Variants in PARN observed in about 807,000 individuals in gnomAD.
PARN encodes poly(A)-specific ribonuclease, also known as poly(A)-specific ribonuclease PARN.
A neutral mutation model predicts 102.8 loss-of-function variants in PARN; 71 were observed. The ratio of observed to expected loss-of-function variants is 0.69; its 90% CI spans 0.57 to 0.84. The LOEUF is 0.84. PARN is among the 40% of genes least tolerant of loss of function. The pLI is 0.00. For missense variants in PARN, 782 were observed against 760.9 expected (o/e 1.03, Z -0.33); for synonymous variants, 261 against 252.9 (o/e 1.03, Z -0.30).
At chr16:14,441,660 C>T (rs1960947615) in intron 23 of PARN, among the ~76,000 whole-genome samples, 1 of 152,254 alleles carries the variant, frequency 6.6e-6, no homozygotes, top group Admixed American at 6.5e-5. Context: ...CACAAATGCG[C>T]ACTGAGTGCC....
At chr16:14,608,358 T>G in intron 8 of PARN, 39 bp from the exon 9 acceptor site, 3 of 1,331,524 alleles carry the variant, frequency 2.3e-6, no homozygotes, top group Non-Finnish European at 3.1e-6. Flanking sequence ...TTTGGCTCAT[T>G]AGAAGTAAAT....
intron 21 of PARN, among the ~76,000 whole-genome samples, chr16:14,513,451 A>G (rs1965304902): frequency 6.6e-6 from 1 of 152,190 alleles, no homozygotes; most frequent in Non-Finnish European, 1.5e-5. Flanking sequence ...TCCTGTCTTC[A>G]TTACACATAA....
At position 14,580,403 on chromosome 16, in the gene PARN, A is replaced by G. The variant is rs1244668991; in HGVS notation, c.1262+471T>C. Among the ~76,000 whole-genome samples the G allele has an allele frequency of 2.0e-5, 3 of 151,522 alleles. No homozygotes were observed. In the South Asian group the frequency reaches 6.2e-4, roughly 31 times the overall value. ...CCTGGGTTGAAGCAATTCTCCCACT[A>G]CAGCCTCCCGAGTAGCTGGGATTAC... On this transcript the variant is annotated intron_variant, in intron 18 of 23. Coordinates refer to ENST00000437198, the MANE Select transcript of PARN (RefSeq NM_002582.4).
intron 18 of PARN, among the ~76,000 whole-genome samples, chr16:14,556,429 C>T (rs994760042): frequency 6.6e-6 from 1 of 151,700 alleles, no homozygotes; most frequent in African/African-American, 2.4e-5. Flanking sequence ...CAAAGTGTTG[C>T]AATTACAGGC....
chr16:14,604,629 T>C (rs34186989), intron 10 of PARN, among the ~76,000 whole-genome samples: 48,035 of 151,968 alleles, frequency 0.32, 8,660 homozygotes, highest in South Asian at 0.43. Flanking sequence ...ATTAGAATTT[T>C]TTTTTTGAGA....
chr16:14,561,786 C>T (rs1056085019), intron 18 of PARN, among the ~76,000 whole-genome samples: 1 of 152,122 alleles, frequency 6.6e-6, no homozygotes, highest in Non-Finnish European at 1.5e-5. Context: ...CCAGTCTGGG[C>T]AACAGAGAAA....
intron 21 of PARN, among the ~76,000 whole-genome samples, chr16:14,539,739 T>G (rs1299593042): frequency 6.6e-6 from 1 of 152,246 alleles, no homozygotes; most frequent in Non-Finnish European, 1.5e-5. Flanking sequence ...TGAGGTATTT[T>G]ATAAGCCACT....
chr16:14,575,013 T>C (rs1478491317), intron 18 of PARN, among the ~76,000 whole-genome samples: 2 of 152,180 alleles, frequency 1.3e-5, no homozygotes, highest in African/African-American at 2.4e-5. Context: ...CCATGCAGCA[T>C]TGAGCCTGTG....
intron 18 of PARN, among the ~76,000 whole-genome samples, chr16:14,580,069 A>G (rs1465631471): frequency 6.6e-6 from 1 of 152,002 alleles, no homozygotes; most frequent in Non-Finnish European, 1.5e-5. Flanking sequence ...AAAGACAAAC[A>G]CTGCCCCAAA....
At chr16:14,575,787 T>C (rs1239412703) in intron 18 of PARN, among the ~76,000 whole-genome samples, 1 of 152,234 alleles carries the variant, frequency 6.6e-6, no homozygotes, top group Non-Finnish European at 1.5e-5. Context: ...GGTGGAATTA[T>C]ATGGTTTGGC....
chr16:14,554,183 G>A (rs1197110365), intron 19 of PARN, 32 bp from the exon 20 acceptor site: 6 of 1,432,544 alleles, frequency 4.2e-6, no homozygotes, highest in East Asian at 2.3e-5. Flanking sequence ...AAATATTGAT[G>A]GGTGAAAAGT....
chr16:14,524,434 C>T (rs982853836), intron 21 of PARN, among the ~76,000 whole-genome samples: 9 of 152,084 alleles, frequency 5.9e-5, no homozygotes, highest in African/African-American at 2.2e-4. Flanking sequence ...ACTGCTGCTG[C>T]TAAACTGCAG....
chr16:14,450,117 C>G (rs1459201653), intron 22 of PARN, among the ~76,000 whole-genome samples: 1 of 152,200 alleles, frequency 6.6e-6, no homozygotes, highest in Non-Finnish European at 1.5e-5. Flanking sequence ...CAATGAACTA[C>G]TAAGCAGTTA....
At chr16:14,574,720 A>G (rs888553354) in intron 18 of PARN, among the ~76,000 whole-genome samples, 5 of 152,208 alleles carry the variant, frequency 3.3e-5, no homozygotes, top group African/African-American at 1.2e-4. Flanking sequence ...CTCAAAAAAA[A>G]AGAAAAGAAA....
rs770532404 is a variant in PARN, at chr16:14,436,759, C to A, written c.1878G>T (p.Lys626Asn). 2.5e-6 allele frequency: 4 copies of A among 1,591,444 alleles called. No homozygotes were observed. In the African/African-American group the frequency reaches 5.4e-5, roughly 21 times the overall value. Residue 626 changes from lysine to asparagine, a missense_variant, in exon 24 of 24, where the codon AAG (lysine) becomes AAT (asparagine). Transcript: ENST00000437198. ...KELSPAGSISKNSPATLFEVP... is the reference protein window; with the variant it reads ...KELSPAGSISNNSPATLFEVP... ...CTTCAAAGAGTGTGGCAGGGCTGTT[C>A]TTCGAGATGCTTCCTGGTGGGAAAG...
intron 21 of PARN, among the ~76,000 whole-genome samples, chr16:14,547,348 C>A (rs1176992622): frequency 6.6e-6 from 1 of 152,080 alleles, no homozygotes; most frequent in African/African-American, 2.4e-5. Context: ...GAATGGCACT[C>A]AGTAGACGGG....
At chr16:14,481,954 C>G (rs541086426) in intron 22 of PARN, among the ~76,000 whole-genome samples, 4 of 152,234 alleles carry the variant, frequency 2.6e-5, no homozygotes, top group Non-Finnish European at 5.9e-5. Context: ...ATCTACAGGA[C>G]CTGAAAGCTC....
chr16:14,493,399 A>G (rs1964154722), intron 21 of PARN, among the ~76,000 whole-genome samples: 1 of 152,098 alleles, frequency 6.6e-6, no homozygotes, highest in African/African-American at 2.4e-5. Context: ...TATTTTCTGT[A>G]AAGACAAGGT....
chr16:14,604,259 T>C lies in PARN; in HGVS notation c.703-33A>G, dbSNP rs1971054734. 3 of 1,348,674 alleles carry C rather than the reference T, an allele frequency of 2.2e-6. No homozygotes were observed. In the African/African-American group the frequency reaches 4.4e-5, roughly 20 times the overall value. The allele number at this position is 1,348,674 out of a possible 1,614,324, so 83.5% of individuals were successfully genotyped here. A position where few individuals can be genotyped will look rare whatever the true frequency, so the allele number is the denominator to read the frequency against. On this transcript the variant is annotated intron_variant, in intron 10 of 23. Coordinates refer to ENST00000437198, the MANE Select transcript of PARN (RefSeq NM_002582.4). The stretch of plus-strand genomic sequence containing the variant: ...ACATAAAGCAGATATACAATTTTCT[T>C]TTCTTTTTCTTTTTTTTTGAGACAG...
Sources: gnomAD v4.1 joint callset for allele counts (sites outside exome capture counted in the v4.1 genomes callset) on GRCh38, gnomAD v4.1.1 for gene constraint, MANE v1.5 for transcripts, NCBI Gene and HGNC (gene_info 2026-07-23, HGNC 2026-07-21) for gene names.